CPNE2: variants seen among roughly 807,000 people sequenced by gnomAD.
CPNE2 encodes copine 2.
Under a neutral mutation model 69.7 loss-of-function variants are expected in CPNE2, and 42 were observed. That is an observed-to-expected ratio of 0.60 (90% CI 0.47 to 0.78). The LOEUF is 0.78. CPNE2 is among the 30% of genes least tolerant of loss of function. The pLI, the probability that CPNE2 is intolerant of heterozygous loss-of-function variation, is 0.00. For synonymous variants in CPNE2, 294 were observed against 289.8 expected (o/e 1.01, Z -0.15); for missense variants, 587 against 732.0 (o/e 0.80, Z 2.29).
chr16:57,147,715 T>C lies in CPNE2; in HGVS notation c.*57T>C. The C allele has an allele frequency of 1.7e-6, 2 of 1,197,642 alleles. No individual in the cohort carries two copies. Among genetic ancestry groups the C allele is most frequent in the South Asian group, 1.6e-5 (1 of 63,442 alleles). 74.2% of individuals were successfully genotyped at this position (1,197,642 alleles called of 1,614,324 possible). A position where few individuals can be genotyped will look rare whatever the true frequency, so the allele number is the denominator to read the frequency against. On this transcript the variant is annotated 3_prime_UTR_variant, in exon 16 of 16. Coordinates refer to ENST00000290776, the MANE Select transcript of CPNE2 (RefSeq NM_152727.6). ...AGCCTCCTGCCCTCCCCCAGGAACA[T>C]GCACGCTCACTCTGCTTCCTTGTGG...
At chr16:57,106,880 C>T (rs2069651636) in intron 1 of CPNE2, among the ~76,000 whole-genome samples, 1 of 152,208 alleles carries the variant, frequency 6.6e-6, no homozygotes, top group South Asian at 2.1e-4. Context: ...GCCTCAGGCT[C>T]CCCTGGCCTG....
intron 3 of CPNE2, among the ~76,000 whole-genome samples, chr16:57,114,106 G>A (rs1289157243): frequency 1.3e-5 from 2 of 152,352 alleles, no homozygotes; most frequent in Non-Finnish European, 1.5e-5. Flanking sequence ...GGGCCTTCCA[G>A]GAGATGGTGA....
At chr16:57,121,379 A>G (rs1263787528) in intron 8 of CPNE2, among the ~76,000 whole-genome samples, 188 bp downstream of exon 8, 1 of 152,150 alleles carries the variant, frequency 6.6e-6, no homozygotes, top group African/African-American at 2.4e-5. Context: ...TGGGGATTGA[A>G]TGAGATGATG....
chr16:57,097,996 C>T (rs2069588741), intron 1 of CPNE2, among the ~76,000 whole-genome samples: 1 of 151,564 alleles, frequency 6.6e-6, no homozygotes, highest in African/African-American at 2.4e-5. Flanking sequence ...ACAGGAAGTA[C>T]AGTGGAGGCT....
chr16:57,095,112 T>A (rs2069570230), intron 1 of CPNE2, among the ~76,000 whole-genome samples: 1 of 152,168 alleles, frequency 6.6e-6, no homozygotes, highest in Non-Finnish European at 1.5e-5. Context: ...AGGACCCAGC[T>A]CCTTCCCCCT....
rs374141665 is a variant in CPNE2 at position 57,110,757 on chromosome 16, C to A, written c.15C>A (p.Pro5=). 6.8e-6 allele frequency: 11 copies of A among 1,611,840 alleles called. No homozygotes were observed. In the African/African-American group the frequency reaches 9.3e-5, roughly 14 times the overall value. MAHI[P]SGGAPAAGAA... is the part of the protein sequence containing the mutation. ...CACCGGCTCCCATGGCCCACATACC[C>A]AGTGGGGGTGCCCCAGCAGCGGGGG... The change falls in exon 2 of 16, where the codon CCC becomes CCA. Residue 5 remains proline (P), a synonymous_variant. Coordinates refer to ENST00000290776, the MANE Select transcript of CPNE2 (RefSeq NM_152727.6).
chr16:57,110,728 CCG>C lies in CPNE2; in HGVS notation c.-13_-12del. 1 of 1,591,558 alleles carries C rather than the reference CCG, an allele frequency of 6.3e-7. No individual in the cohort carries two copies. Among genetic ancestry groups the C allele is most frequent in the Non-Finnish European group, 8.6e-7 (1 of 1,168,088 alleles). On this transcript the variant is annotated 5_prime_UTR_variant, in exon 2 of 16. Transcript: ENST00000290776. Reference sequence around the variant, plus strand: ...CCTAGACTGCCAGGAACTCCTGCCACCGCCACCGGCTCCCATGGCCCACATAC... The same window carrying C: ...CCTAGACTGCCAGGAACTCCTGCCACCCACCGGCTCCCATGGCCCACATAC...
chr16:57,133,641 G>T (rs1226526165), intron 12 of CPNE2, among the ~76,000 whole-genome samples: 1 of 152,176 alleles, frequency 6.6e-6, no homozygotes, highest in Non-Finnish European at 1.5e-5. Flanking sequence ...TGCAGCTGAG[G>T]ACCGGGGCAC....
At chr16:57,122,028 C>T (rs1055297600) in intron 9 of CPNE2, among the ~76,000 whole-genome samples, 1 of 152,248 alleles carries the variant, frequency 6.6e-6, no homozygotes, top group African/African-American at 2.4e-5. Flanking sequence ...GCTGACCTTC[C>T]AGGGCCTGTC....
At chr16:57,132,603 C>T (rs2069845537) in intron 12 of CPNE2, among the ~76,000 whole-genome samples, 1 of 152,194 alleles carries the variant, frequency 6.6e-6, no homozygotes, top group African/African-American at 2.4e-5. Context: ...TAGGGAGTCC[C>T]AGGACAAAGG....
rs374806142 is a variant in CPNE2 at position 57,105,292 on chromosome 16, ATTCCTAGTT to A, written c.-35-5412_-35-5404del. Among the ~76,000 whole-genome samples the A allele has an allele frequency of 4.9e-3, 741 of 152,312 alleles. 8 individuals carry two copies. The highest frequency in any genetic ancestry group is 0.017 in the African/African-American group (696 of 41,558). On this transcript the variant is annotated intron_variant, in intron 1 of 15. Coordinates refer to ENST00000290776, the MANE Select transcript of CPNE2 (RefSeq NM_152727.6). ...GATAAAAGGAGATTAAGGACGATGAATTCCTAGTTTTCTGGCTAAAACCGTGATGTTCTA... is the reference window on the plus strand; with the variant it reads ...GATAAAAGGAGATTAAGGACGATGAATTCTGGCTAAAACCGTGATGTTCTA...
Position 57,095,171 on chromosome 16 carries a change from C to T in CPNE2, c.-36+2381C>T, listed in dbSNP as rs952521648. 4.7e-4 allele frequency among the ~76,000 whole-genome samples: 71 copies of T among 152,232 alleles called. 2 individuals carry two copies. The highest frequency in any genetic ancestry group is 1.3e-4 in the Admixed American group (2 of 15,286). ...GGAGGTGGGATCTCCCCCAACCCTG[C>T]CAGACACGGTGGTGTGGGCTCTGTG... is the stretch of plus-strand genomic sequence containing the variant. On this transcript the variant is annotated intron_variant, in intron 1 of 15. Transcript: ENST00000290776.
chr16:57,112,584 G>A (rs886395790), intron 2 of CPNE2, among the ~76,000 whole-genome samples: 3 of 152,156 alleles, frequency 2.0e-5, no homozygotes, highest in Admixed American at 6.5e-5. Context: ...CCCAGACTCC[G>A]CGGTTTGGGG....
chr16:57,109,528 C>T (rs2069667600), intron 1 of CPNE2, among the ~76,000 whole-genome samples: 2 of 151,570 alleles, frequency 1.3e-5, no homozygotes, highest in South Asian at 2.1e-4. Flanking sequence ...ACTCCATAGA[C>T]AGAGTAGCCC....
At chr16:57,108,211 A>G (rs1481341101) in intron 1 of CPNE2, among the ~76,000 whole-genome samples, 1 of 152,206 alleles carries the variant, frequency 6.6e-6, no homozygotes, top group African/African-American at 2.4e-5. Context: ...GCACTGGGAC[A>G]GTTCTTGGGA....
chr16:57,118,143 A>G (rs1474321555), intron 5 of CPNE2, among the ~76,000 whole-genome samples: 1 of 147,500 alleles, frequency 6.8e-6, no homozygotes. Flanking sequence ...CCTTAACACT[A>G]TTACTGTCTA....
At chr16:57,121,637 C>A in intron 8 of CPNE2, 37 bp from the exon 9 acceptor site, 2 of 1,594,892 alleles carry the variant, frequency 1.3e-6, no homozygotes, top group Non-Finnish European at 1.7e-6. Flanking sequence ...TCCAAAGAAG[C>A]CCCGAGGTGA....
At chr16:57,123,607 T>C in intron 10 of CPNE2, 134 bp downstream of exon 10, 1 of 935,340 alleles carries the variant, frequency 1.1e-6, no homozygotes. Context: ...AAAGAGTGTG[T>C]GCGGCCTAGT....
At chr16:57,134,959 A>G (rs1483321036) in intron 13 of CPNE2, 133 bp downstream of exon 13, 7 of 979,380 alleles carry the variant, frequency 7.1e-6, no homozygotes, top group Non-Finnish European at 9.3e-6. Context: ...GCTCAGAGTG[A>G]CAGAGGGGGA....
Sources: allele counts gnomAD v4.1 joint callset (sites outside exome capture counted in the v4.1 genomes callset), GRCh38; gene constraint gnomAD v4.1.1; transcripts MANE v1.5; gene names NCBI Gene and HGNC (gene_info 2026-07-23, HGNC 2026-07-21).